Variants in KIF16B observed in about 807,000 individuals in gnomAD.
KIF16B encodes the protein kinesin-like protein KIF16B.
KIF16B carries 98 observed loss-of-function variants against 156.3 expected under a neutral mutation model. The ratio of observed to expected loss-of-function variants is 0.63; its 90% CI spans 0.53 to 0.74. KIF16B has a LOEUF of 0.74. Among genes scored for constraint, KIF16B ranks in the 30% least tolerant of loss-of-function variants. The probability of loss-of-function intolerance (pLI) is 0.00; values close to 1 mark genes in which losing one functional copy is unlikely to be tolerated. For synonymous variants in KIF16B, 564 were observed against 583.7 expected (o/e 0.97, Z 0.49); for missense variants, 1,421 against 1,606.5 (o/e 0.88, Z 1.97).
At chr20:16,285,396 A>G (rs963734958) in intron 25 of KIF16B, among the ~76,000 whole-genome samples, 3 of 152,372 alleles carry the variant, frequency 2.0e-5, no homozygotes, top group African/African-American at 7.2e-5. Context: ...CTTCGCTACA[A>G]TGAAAAGGAT....
intron 12 of KIF16B, among the ~76,000 whole-genome samples, chr20:16,484,574 C>T (rs1043236735): frequency 9.9e-5 from 15 of 152,182 alleles, no homozygotes; most frequent in South Asian, 2.1e-4. Context: ...AGTACAGTAA[C>T]GTATTTTTTC....
chr20:16,320,282 A>C (rs1488106165), intron 24 of KIF16B, among the ~76,000 whole-genome samples: 1 of 152,196 alleles, frequency 6.6e-6, no homozygotes, highest in Non-Finnish European at 1.5e-5. Context: ...AATTCCTTTT[A>C]CCCAATATAT....
chr20:16,303,857 G>C (rs766245116), intron 25 of KIF16B, among the ~76,000 whole-genome samples: 4 of 152,184 alleles, frequency 2.6e-5, no homozygotes, highest in Non-Finnish European at 4.4e-5. Flanking sequence ...TACTCGGTGG[G>C]CAGGGCATGC....
Position 16,303,713 on chromosome 20 carries a change from T to C in KIF16B, c.3795+8622A>G, listed in dbSNP as rs529716518. 1.6e-4 allele frequency among the ~76,000 whole-genome samples: 25 copies of C among 152,298 alleles called. No individual in the cohort carries two copies. The East Asian group carries it at 3.9e-3, about 24-fold the overall frequency. ...ATCCTGTCTTCACAAACTCAGCCTC[T>C]CATAAAACATAAAATACTTTGTAAC... On this transcript the variant is annotated intron_variant, in intron 25 of 25. Transcript: ENST00000354981.
At chr20:16,555,795 A>C (rs368144153) in intron 1 of KIF16B, among the ~76,000 whole-genome samples, 4 of 152,244 alleles carry the variant, frequency 2.6e-5, no homozygotes, top group African/African-American at 7.2e-5. Flanking sequence ...TCATTCTTCA[A>C]AATCAAAACA....
At chr20:16,365,167 A>G (rs575738169) in intron 22 of KIF16B, among the ~76,000 whole-genome samples, 1 of 152,198 alleles carries the variant, frequency 6.6e-6, no homozygotes, top group Non-Finnish European at 1.5e-5. Context: ...TATCAAGAAA[A>G]TATGAGAAAA....
chr20:16,569,055 C>T (rs369906355), intron 1 of KIF16B, among the ~76,000 whole-genome samples: 19 of 151,926 alleles, frequency 1.3e-4, no homozygotes, highest in African/African-American at 4.1e-4. Flanking sequence ...ATAAAACAGG[C>T]CCAAGGGAGT....
Position 16,528,457 on chromosome 20 carries a change from T to A in KIF16B, c.48-17A>T, listed in dbSNP as rs371964281. 66 of 1,524,636 alleles carry A rather than the reference T, an allele frequency of 4.3e-5. No homozygotes were observed. Among genetic ancestry groups the A allele is most frequent in the Non-Finnish European group, 6.0e-5 (66 of 1,098,606 alleles). 94.4% of individuals were successfully genotyped at this position (1,524,636 alleles called of 1,614,324 possible). A position where few individuals can be genotyped will look rare whatever the true frequency, so the allele number is the denominator to read the frequency against. On this transcript the variant is annotated splice_polypyrimidine_tract_variant and intron_variant, in intron 1 of 25. Coordinates refer to ENST00000354981, the MANE Select transcript of KIF16B (RefSeq NM_024704.5). ...TCCTTTTCCCTGCAATACAAATAAT[T>A]CAGTAGTGGTTAGAAGAGAAAAGAT... is the stretch of plus-strand genomic sequence containing the variant.
chr20:16,312,775 CTT>C (rs11087165), intron 24 of KIF16B, among the ~76,000 whole-genome samples: 35 of 145,496 alleles, frequency 2.4e-4, no homozygotes, highest in African/African-American at 2.3e-4. Flanking sequence ...TCCTCCCACC[CTT>C]TTTTTTTTTT....
chr20:16,565,635 A>G (rs1188530471), intron 1 of KIF16B, among the ~76,000 whole-genome samples: 1 of 152,152 alleles, frequency 6.6e-6, no homozygotes, highest in African/African-American at 2.4e-5. Context: ...TTCCTGAGAG[A>G]CAGAATTCAC....
rs1049856887 is a variant in KIF16B at position 16,460,509 on chromosome 20, C to T, written c.1303-30527G>A. On this transcript the variant is annotated intron_variant, in intron 12 of 25. Coordinates refer to ENST00000354981, the MANE Select transcript of KIF16B (RefSeq NM_024704.5). ...TTGCTTGAACCCGGGTTGCAGTGAGCGGAGATCGCACCACTGCACTCAAGC... is the reference window on the plus strand; with the variant it reads ...TTGCTTGAACCCGGGTTGCAGTGAGTGGAGATCGCACCACTGCACTCAAGC... 5.3e-5 allele frequency among the ~76,000 whole-genome samples: 8 copies of T among 151,784 alleles called. No individual in the cohort carries two copies. In the South Asian group the frequency reaches 1.5e-3, roughly 28 times the overall value.
intron 23 of KIF16B, among the ~76,000 whole-genome samples, chr20:16,342,760 C>T (rs2064162183): frequency 6.6e-6 from 1 of 152,180 alleles, no homozygotes; most frequent in Non-Finnish European, 1.5e-5. Context: ...TTGAATATCC[C>T]CTTGTTTATC....
At chr20:16,396,565 G>GC (rs1428339012) in intron 17 of KIF16B, among the ~76,000 whole-genome samples, 1 of 151,420 alleles carries the variant, frequency 6.6e-6, no homozygotes, top group Non-Finnish European at 1.5e-5. Flanking sequence ...CACACAGAGA[G>GC]GGAGAGGCAG....
At chr20:16,312,644 G>C (rs1261626217) in intron 24 of KIF16B, among the ~76,000 whole-genome samples, 1 of 152,154 alleles carries the variant, frequency 6.6e-6, no homozygotes, top group Admixed American at 6.5e-5. Flanking sequence ...AGGACAATGG[G>C]AACTCCATGG....
chr20:16,546,209 A>C (rs1307555210), intron 1 of KIF16B, among the ~76,000 whole-genome samples: 1 of 152,134 alleles, frequency 6.6e-6, no homozygotes, highest in African/African-American at 2.4e-5. Context: ...TAGCTTTGCG[A>C]CTTTGGGTAC....
intron 17 of KIF16B, among the ~76,000 whole-genome samples, chr20:16,394,222 C>T (rs2065438270): frequency 6.6e-6 from 1 of 152,204 alleles, no homozygotes; most frequent in Non-Finnish European, 1.5e-5. Context: ...TCAGACAATA[C>T]AATCTGAAGT....
chr20:16,353,742 T>C (rs570854795), intron 23 of KIF16B, among the ~76,000 whole-genome samples: 1 of 152,322 alleles, frequency 6.6e-6, no homozygotes, highest in African/African-American at 2.4e-5. Flanking sequence ...TTTTGTTGTT[T>C]TGTTCTGGGG....
chr20:16,560,458 C>A (rs2071015405), intron 1 of KIF16B, among the ~76,000 whole-genome samples: 4 of 152,188 alleles, frequency 2.6e-5, no homozygotes, highest in Admixed American at 2.6e-4. Context: ...GCAAAGGACA[C>A]CAAGTTCCTG....
chr20:16,482,974 T>C (rs1330387175), intron 12 of KIF16B, among the ~76,000 whole-genome samples: 1 of 152,156 alleles, frequency 6.6e-6, no homozygotes, highest in Non-Finnish European at 1.5e-5. Flanking sequence ...CTTATCACAC[T>C]GATTGGTTTA....
Sources: gnomAD v4.1 joint callset for allele counts (sites outside exome capture counted in the v4.1 genomes callset) on GRCh38, gnomAD v4.1.1 for gene constraint, MANE v1.5 for transcripts, NCBI Gene and HGNC (gene_info 2026-07-23, HGNC 2026-07-21) for gene names.